Variants in SCG5 observed in about 807,000 individuals in gnomAD.
SCG5 encodes neuroendocrine protein 7B2.
Under a neutral mutation model 25.7 loss-of-function variants are expected in SCG5, and 18 were observed. That is an observed-to-expected ratio of 0.70 (90% CI 0.48 to 1.04). The LOEUF (loss-of-function observed/expected upper bound fraction) is 1.04, where lower values mean the gene tolerates loss of function less well. Ranked by LOEUF, SCG5 falls within the 50% of genes least tolerant of loss-of-function variation. The pLI, the probability that SCG5 is intolerant of heterozygous loss-of-function variation, is 0.00. For missense variants in SCG5, 206 were observed against 259.8 expected (o/e 0.79, Z 1.42); for synonymous variants, 101 against 91.7 (o/e 1.10, Z -0.58).
intron 1 of SCG5, 49 bp from the exon 2 acceptor site, chr15:32,643,537 C>A: frequency 7.1e-7 from 1 of 1,407,286 alleles, no homozygotes; most frequent in Non-Finnish European, 1.0e-6. Context: ...TGTATTATCA[C>A]AATTGCCGAT....
At chr15:32,688,717 G>C (rs568766948) in intron 4 of SCG5, among the ~76,000 whole-genome samples, 3 of 152,226 alleles carry the variant, frequency 2.0e-5, no homozygotes, top group African/African-American at 7.2e-5. Flanking sequence ...CCAGCACTTT[G>C]GGAGGCCGAG....
At chr15:32,675,678 C>T (rs2054518206) in intron 2 of SCG5, among the ~76,000 whole-genome samples, 1 of 152,146 alleles carries the variant, frequency 6.6e-6, no homozygotes, top group South Asian at 2.1e-4. Context: ...GGGAGTCTTC[C>T]GTGGCCTAGA....
chr15:32,672,363 T>C (rs1213911214), intron 2 of SCG5, among the ~76,000 whole-genome samples: 1 of 152,258 alleles, frequency 6.6e-6, no homozygotes, highest in East Asian at 1.9e-4. Context: ...AATGGGACGA[T>C]GCTGGCTGCG....
At position 32,684,562 on chromosome 15, in the gene SCG5, G is replaced by T; in HGVS notation, c.382G>T (p.Asp128Tyr). Reference sequence around the variant, plus strand: ...AAACCTTTGGCTGTTTGCAGCAGATGATGGATGTCTAGAAAACACCCCTGA... The same window carrying T: ...AAACCTTTGGCTGTTTGCAGCAGATTATGGATGTCTAGAAAACACCCCTGA... ...NPCPVGKTADDGCLENTPDTA... is the reference protein window; with the variant it reads ...NPCPVGKTADYGCLENTPDTA... The change falls in exon 4 of 6, where the codon GAT becomes TAT. Residue 128 changes from aspartate to tyrosine, a missense_variant. Physicochemically the swap from Asp to Tyr is radical, Grantham distance 160. Transcript: ENST00000300175. 1 of 1,608,480 alleles carries T rather than the reference G, an allele frequency of 6.2e-7. No homozygotes were observed. The highest frequency in any genetic ancestry group is 1.1e-5 in the South Asian group (1 of 90,598).
chr15:32,691,201 C>T (rs1018169490), intron 4 of SCG5, among the ~76,000 whole-genome samples: 3 of 152,118 alleles, frequency 2.0e-5, no homozygotes, highest in Non-Finnish European at 4.4e-5. Context: ...ATGTTATAGA[C>T]CAAATGGTTT....
intron 2 of SCG5, among the ~76,000 whole-genome samples, chr15:32,674,900 AAG>A (rs1392920578): frequency 6.6e-6 from 1 of 152,188 alleles, no homozygotes; most frequent in African/African-American, 2.4e-5. Context: ...CAGGCCAAGA[AAG>A]AGATTTAAGG....
chr15:32,675,719 T>A (rs1367288918), intron 2 of SCG5, among the ~76,000 whole-genome samples: 1 of 152,228 alleles, frequency 6.6e-6, no homozygotes, highest in Non-Finnish European at 1.5e-5. Context: ...TCTACACAAC[T>A]GTGACACACT....
At chr15:32,645,428 T>C (rs2053927237) in intron 2 of SCG5, among the ~76,000 whole-genome samples, 1 of 152,146 alleles carries the variant, frequency 6.6e-6, no homozygotes, top group African/African-American at 2.4e-5. Context: ...CTGGTGCAGC[T>C]CTGCCCTAAA....
chr15:32,672,007 C>T (rs1441741680), intron 2 of SCG5, among the ~76,000 whole-genome samples: 2 of 152,356 alleles, frequency 1.3e-5, no homozygotes, highest in South Asian at 4.1e-4. Flanking sequence ...GGAGGCCAGG[C>T]GGTGTCTGGA....
At chr15:32,659,965 G>C (rs147492477) in intron 2 of SCG5, among the ~76,000 whole-genome samples, 1 of 152,322 alleles carries the variant, frequency 6.6e-6, no homozygotes, top group Non-Finnish European at 1.5e-5. Context: ...TCACTGAAGT[G>C]TGCAAAAACA....
intron 3 of SCG5, among the ~76,000 whole-genome samples, chr15:32,681,326 A>T (rs2054616637): frequency 6.6e-6 from 1 of 152,152 alleles, no homozygotes; most frequent in African/African-American, 2.4e-5. Flanking sequence ...AAGCTTAGAG[A>T]GTAGCTTGCA....
chr15:32,678,387 A>G (rs1228097726), intron 2 of SCG5, among the ~76,000 whole-genome samples: 1 of 152,242 alleles, frequency 6.6e-6, no homozygotes, highest in Non-Finnish European at 1.5e-5. Flanking sequence ...AAGAGCATAA[A>G]CAAACAGCTC....
chr15:32,658,918 C>T (rs955084033), intron 2 of SCG5, among the ~76,000 whole-genome samples: 1 of 152,080 alleles, frequency 6.6e-6, no homozygotes, highest in Non-Finnish European at 1.5e-5. Context: ...GGCTTATGCC[C>T]GTAATCCCAG....
chr15:32,657,221 T>TATATATATATATATA (rs2054137243), intron 2 of SCG5, among the ~76,000 whole-genome samples: 2 of 13,954 alleles, frequency 1.4e-4, no homozygotes, highest in Admixed American at 1.1e-3. Flanking sequence ...ATGTATGTAT[T>TATATATATATATATA]TCCAGGTGTA....
In SCG5 at chr15:32,691,878, C is replaced by A. The variant is rs944239309; in HGVS notation, c.543+115C>A. On this transcript the variant is annotated intron_variant, in intron 5 of 5. Transcript: ENST00000300175. Reference sequence around the variant, plus strand: ...GTCACAGAATCCTCCCTTGTGTAGTCCTGAGAAACACTGGTCCATGTGACA... The same window carrying A: ...GTCACAGAATCCTCCCTTGTGTAGTACTGAGAAACACTGGTCCATGTGACA... 5.3e-6 allele frequency: 8 copies of A among 1,523,116 alleles called. No homozygotes were observed. The African/African-American group carries it at 1.1e-4, about 21-fold the overall frequency. The allele number at this position is 1,523,116 out of a possible 1,614,324, so 94.4% of individuals were successfully genotyped here. A position where few individuals can be genotyped will look rare whatever the true frequency, so the allele number is the denominator to read the frequency against.
intron 2 of SCG5, among the ~76,000 whole-genome samples, chr15:32,648,926 C>A (rs1176731703): frequency 6.6e-6 from 1 of 152,184 alleles, no homozygotes; most frequent in African/African-American, 2.4e-5. Flanking sequence ...CGCCCGCCAC[C>A]ACGCCCGGCT....
At chr15:32,675,980 T>C (rs1349679795) in intron 2 of SCG5, among the ~76,000 whole-genome samples, 4 of 152,264 alleles carry the variant, frequency 2.6e-5, no homozygotes, top group Non-Finnish European at 5.9e-5. Flanking sequence ...CATAGCATCA[T>C]ATTATTTTGT....
chr15:32,650,483 A>G (rs2054016743), intron 2 of SCG5, among the ~76,000 whole-genome samples: 1 of 152,216 alleles, frequency 6.6e-6, no homozygotes, highest in Non-Finnish European at 1.5e-5. Flanking sequence ...AGCAGTAACC[A>G]TCTTCTCCCA....
intron 2 of SCG5, among the ~76,000 whole-genome samples, chr15:32,654,141 A>G (rs1412141788): frequency 6.6e-6 from 1 of 152,172 alleles, no homozygotes; most frequent in African/African-American, 2.4e-5. Context: ...TTATCTAGGG[A>G]TACAGCTTGT....
Sources: allele counts gnomAD v4.1 joint callset (sites outside exome capture counted in the v4.1 genomes callset), GRCh38; gene constraint gnomAD v4.1.1; transcripts MANE v1.5; gene names NCBI Gene and HGNC (gene_info 2026-07-23, HGNC 2026-07-21).